FSHR: variants seen among roughly 807,000 people sequenced by gnomAD.
FSHR encodes follicle stimulating hormone receptor, also known as follicle-stimulating hormone receptor.
In FSHR, 46 loss-of-function variants were observed where a neutral mutation model predicts 52.1. The ratio of observed to expected loss-of-function variants is 0.88; its 90% confidence interval spans 0.70 to 1.13. The LOEUF is 1.13. Among genes scored for constraint, FSHR ranks in the 50% most tolerant of loss-of-function variants. The pLI is 0.00. For synonymous variants in FSHR, 399 were observed against 309.6 expected, an observed-to-expected ratio of 1.29 and a Z score of -3.03; for missense variants, 964 against 834.6, an observed-to-expected ratio of 1.16 and a Z score of -1.91.
At chr2:49,116,919 T>C (rs1004199165) in intron 1 of FSHR, among the ~76,000 whole-genome samples, 71 of 152,220 alleles carry the variant, frequency 4.7e-4, no homozygotes, top group African/African-American at 1.7e-3. Context: ...CCATTCTATT[T>C]CTGTTTGAGA....
chr2:49,088,854 A>G (rs1177957903), intron 1 of FSHR, among the ~76,000 whole-genome samples: 1 of 152,136 alleles, frequency 6.6e-6, no homozygotes. Context: ...AAAAAGATAA[A>G]TTTAGGTCTT....
At chr2:49,063,725 A>G (rs368657296) in intron 2 of FSHR, among the ~76,000 whole-genome samples, 10 of 152,254 alleles carry the variant, frequency 6.6e-5, no homozygotes, top group African/African-American at 1.9e-4. Flanking sequence ...AAAGTACAGC[A>G]AAATAGGAGG....
intron 2 of FSHR, among the ~76,000 whole-genome samples, chr2:49,048,094 C>T (rs1348281708): frequency 1.3e-5 from 2 of 151,934 alleles, no homozygotes; most frequent in African/African-American, 2.4e-5. Flanking sequence ...TCATGTTGGC[C>T]AGGCTGGTCT....
At chr2:49,067,806 T>C (rs879603807) in intron 2 of FSHR, among the ~76,000 whole-genome samples, 3 of 152,048 alleles carry the variant, frequency 2.0e-5, no homozygotes, top group African/African-American at 7.2e-5. Flanking sequence ...ATGAATACTT[T>C]GGAAACAAGA....
intron 1 of FSHR, among the ~76,000 whole-genome samples, chr2:49,075,829 A>T (rs1052110109): frequency 6.6e-6 from 1 of 151,984 alleles, no homozygotes; most frequent in Non-Finnish European, 1.5e-5. Context: ...TGGGAGAGAC[A>T]GGGTTTTACC....
At chr2:49,091,220 TAA>T (rs982438756) in intron 1 of FSHR, among the ~76,000 whole-genome samples, 1 of 152,176 alleles carries the variant, frequency 6.6e-6, no homozygotes, top group African/African-American at 2.4e-5. Flanking sequence ...TGTTTTTGTC[TAA>T]GTTTTTTATA....
At chr2:49,134,413 C>G (rs1317278195) in intron 1 of FSHR, among the ~76,000 whole-genome samples, 1 of 152,158 alleles carries the variant, frequency 6.6e-6, no homozygotes. Context: ...AGTCAGGAAA[C>G]AACAGGTGCT....
chr2:49,150,541 G>C (rs1400933520), intron 1 of FSHR, among the ~76,000 whole-genome samples: 1 of 152,008 alleles, frequency 6.6e-6, no homozygotes, highest in African/African-American at 2.4e-5. Flanking sequence ...AATCCTCATA[G>C]CATCTCTGTC....
chr2:49,113,688 G>C (rs540705103), intron 1 of FSHR, among the ~76,000 whole-genome samples: 25 of 152,086 alleles, frequency 1.6e-4, no homozygotes, highest in African/African-American at 5.3e-4. Context: ...AATCCTATTA[G>C]AGACGTAGCA....
intron 1 of FSHR, among the ~76,000 whole-genome samples, chr2:49,140,630 G>A (rs1380092977): frequency 1.3e-5 from 2 of 151,890 alleles, no homozygotes; most frequent in East Asian, 3.9e-4. Context: ...AACCCAAGAG[G>A]CAGAGGTTGC....
chr2:49,002,659 C>A (rs897617676), intron 4 of FSHR, among the ~76,000 whole-genome samples: 1 of 152,014 alleles, frequency 6.6e-6, no homozygotes, highest in African/African-American at 2.4e-5. Context: ...TAGCAGCCCC[C>A]ATGATTCAAC....
At chr2:49,024,461 C>A (rs1558396997) in intron 2 of FSHR, among the ~76,000 whole-genome samples, 1 of 151,996 alleles carries the variant, frequency 6.6e-6, no homozygotes, top group Non-Finnish European at 1.5e-5. Flanking sequence ...GTGCTCCCAG[C>A]TACTCAGGAG....
intron 1 of FSHR, among the ~76,000 whole-genome samples, chr2:49,076,237 C>G (rs936963893): frequency 1.3e-5 from 2 of 152,124 alleles, no homozygotes; most frequent in South Asian, 4.1e-4. Context: ...GGGCAAATTA[C>G]AAAAGAAAGA....
chr2:49,112,414 G>T (rs1671454821), intron 1 of FSHR, among the ~76,000 whole-genome samples: 3 of 152,150 alleles, frequency 2.0e-5, no homozygotes, highest in Admixed American at 2.0e-4. Context: ...AGGATTTGGG[G>T]AAAGTTGGTA....
intron 1 of FSHR, among the ~76,000 whole-genome samples, chr2:49,152,133 G>A (rs938497986): frequency 6.6e-6 from 1 of 152,098 alleles, no homozygotes; most frequent in Non-Finnish European, 1.5e-5. Flanking sequence ...CATTCCTTAG[G>A]TGGAGGAAAA....
intron 8 of FSHR, among the ~76,000 whole-genome samples, chr2:48,974,484 G>A (rs1003164030): frequency 2.6e-5 from 4 of 152,226 alleles, no homozygotes; most frequent in Non-Finnish European, 2.9e-5. Context: ...AGTGCCCTGG[G>A]ATTGAGATCT....
At chr2:48,994,007 T>C (rs4494802) in intron 4 of FSHR, among the ~76,000 whole-genome samples, 14,159 of 152,256 alleles carry the variant, frequency 0.093, 844 homozygotes, top group East Asian at 0.17. Flanking sequence ...ATTTATCCAA[T>C]GTCTGCCTCT....
At chr2:49,084,348 G>A (rs1670293913) in intron 1 of FSHR, among the ~76,000 whole-genome samples, 3 of 152,100 alleles carry the variant, frequency 2.0e-5, no homozygotes, top group Non-Finnish European at 2.9e-5. Context: ...TCAAAGCAGT[G>A]TGTAGAGGGA....
chr2:49,127,828 T>TTTGAGA (rs1672091403), intron 1 of FSHR, among the ~76,000 whole-genome samples: 1 of 55,002 alleles, frequency 1.8e-5, no homozygotes, highest in Admixed American at 2.6e-4. Context: ...TTCTTCTTCT[T>TTTGAGA]CCTCTTCTTC....
Sources: gnomAD v4.1 joint callset for allele counts (sites outside exome capture counted in the v4.1 genomes callset) on GRCh38, gnomAD v4.1.1 for gene constraint, MANE v1.5 for transcripts, NCBI Gene and HGNC (gene_info 2026-07-23, HGNC 2026-07-21) for gene names.